BNC2: variants seen among roughly 807,000 people sequenced by gnomAD.
The protein encoded by BNC2 is zinc finger protein basonuclin-2.
BNC2 carries 20 observed loss-of-function variants against 76.3 expected under a neutral mutation model. That is an observed-to-expected ratio of 0.26 (90% CI 0.18 to 0.38). BNC2 has a LOEUF of 0.38. Among genes scored for constraint, BNC2 ranks in the 10% least tolerant of loss-of-function variants. BNC2 has a pLI of 1.00. For missense variants in BNC2, 1,382 were observed against 1,399.8 expected (o/e 0.99, Z 0.20); for synonymous variants, 582 against 514.8 (o/e 1.13, Z -1.77).
intron 5 of BNC2, among the ~76,000 whole-genome samples, chr9:16,442,573 G>A (rs1354232824): frequency 1.3e-5 from 2 of 152,172 alleles, no homozygotes; most frequent in East Asian, 1.9e-4. Context: ...GGATAGTAGG[G>A]AAGGAACAGA....
At chr9:16,850,352 A>G (rs890257126) in intron 1 of BNC2, among the ~76,000 whole-genome samples, 2 of 152,206 alleles carry the variant, frequency 1.3e-5, no homozygotes, top group African/African-American at 2.4e-5. Flanking sequence ...AAGTGCACAA[A>G]ATATGATACC....
intron 3 of BNC2, among the ~76,000 whole-genome samples, chr9:16,650,167 A>AT (rs1821753571): frequency 6.6e-6 from 1 of 152,214 alleles, no homozygotes; most frequent in African/African-American, 2.4e-5. Context: ...GTCATTCACA[A>AT]GACACAGGAA....
At chr9:16,845,456 T>C (rs577485960) in intron 1 of BNC2, among the ~76,000 whole-genome samples, 8 of 152,260 alleles carry the variant, frequency 5.3e-5, no homozygotes, top group South Asian at 2.1e-4. Flanking sequence ...GCGCGGTGGC[T>C]CACACCTGTA....
chr9:16,818,859 G>C (rs1327812776), intron 1 of BNC2, among the ~76,000 whole-genome samples: 1 of 127,048 alleles, frequency 7.9e-6, no homozygotes, highest in African/African-American at 3.0e-5. Flanking sequence ...TTAAAGGAGT[G>C]AGGCATTTTT....
At chr9:16,549,020 C>A (rs1397250106) in intron 5 of BNC2, among the ~76,000 whole-genome samples, 1 of 152,180 alleles carries the variant, frequency 6.6e-6, no homozygotes, top group Non-Finnish European at 1.5e-5. Context: ...GACCGATGTG[C>A]CAGCCTTTTA....
intron 1 of BNC2, among the ~76,000 whole-genome samples, chr9:16,824,798 C>T (rs116895416): frequency 6.6e-6 from 1 of 152,260 alleles, no homozygotes; most frequent in Non-Finnish European, 1.5e-5. Context: ...ACAGCAGAGG[C>T]ACAGTGAAAG....
chr9:16,615,998 T>A (rs1175718834), intron 3 of BNC2, among the ~76,000 whole-genome samples: 1 of 152,158 alleles, frequency 6.6e-6, no homozygotes, highest in African/African-American at 2.4e-5. Context: ...AGCTCAATGG[T>A]CACATTTGTT....
chr9:16,581,885 A>T (rs1470747449), intron 4 of BNC2, among the ~76,000 whole-genome samples: 1 of 152,128 alleles, frequency 6.6e-6, no homozygotes, highest in Non-Finnish European at 1.5e-5. Context: ...CATGGTGGAA[A>T]CATACCCCTT....
intron 5 of BNC2, among the ~76,000 whole-genome samples, chr9:16,464,434 T>G (rs1430463153): frequency 6.6e-6 from 1 of 152,050 alleles, no homozygotes; most frequent in African/African-American, 2.4e-5. Context: ...GGGAAGAAAC[T>G]TCAGCTGAGG....
intron 5 of BNC2, among the ~76,000 whole-genome samples, chr9:16,478,682 T>A (rs1475105870): frequency 1.3e-5 from 2 of 152,098 alleles, no homozygotes; most frequent in Non-Finnish European, 2.9e-5. Flanking sequence ...TAAGTGTAGA[T>A]CACAGAATGT....
chr9:16,719,323 T>G (rs1034155869), intron 3 of BNC2, among the ~76,000 whole-genome samples: 2 of 152,214 alleles, frequency 1.3e-5, no homozygotes, highest in Non-Finnish European at 2.9e-5. Context: ...AAATTCTTCT[T>G]GATTTAAATG....
At chr9:16,428,139 C>A (rs1417743693) in intron 6 of BNC2, among the ~76,000 whole-genome samples, 1 of 152,040 alleles carries the variant, frequency 6.6e-6, no homozygotes, top group Non-Finnish European at 1.5e-5. Context: ...GAAATAATTT[C>A]AAGTAAAAAA....
intron 5 of BNC2, among the ~76,000 whole-genome samples, chr9:16,539,847 G>C (rs866552281): frequency 7.2e-6 from 1 of 138,762 alleles, no homozygotes; most frequent in African/African-American, 2.8e-5. Flanking sequence ...GGGAAGGGAA[G>C]GGAAAGGAAA....
intron 1 of BNC2, among the ~76,000 whole-genome samples, chr9:16,860,806 G>T (rs1377321546): frequency 6.6e-6 from 1 of 152,178 alleles, no homozygotes; most frequent in Non-Finnish European, 1.5e-5. Context: ...ACTTTGGGAG[G>T]CCAAGACCAG....
chr9:16,727,664 C>T lies in BNC2; in HGVS notation c.330+133G>A, dbSNP rs1302051674. The T allele has an allele frequency of 4.0e-6, 3 of 750,102 alleles. No individual in the cohort carries two copies. In the Admixed American group the frequency reaches 8.4e-5, roughly 21 times the overall value. 46.5% of individuals were successfully genotyped at this position (750,102 alleles called of 1,614,324 possible). A position where few individuals can be genotyped will look rare whatever the true frequency, so the allele number is the denominator to read the frequency against. On this transcript the variant is annotated intron_variant, in intron 3 of 6. Transcript: ENST00000380672. ...TTCCAGTAACACAGTTATGACAAAA[C>T]AAGAGCCTAACTAGGAAGTGACCAC...
intron 1 of BNC2, among the ~76,000 whole-genome samples, chr9:16,777,926 C>A (rs910000499): frequency 1.3e-5 from 2 of 152,062 alleles, no homozygotes; most frequent in Admixed American, 6.6e-5. Flanking sequence ...CTGAAAATAT[C>A]TATACTGGCA....
chr9:16,455,127 T>G (rs1322232128), intron 5 of BNC2, among the ~76,000 whole-genome samples: 1 of 152,172 alleles, frequency 6.6e-6, no homozygotes, highest in Non-Finnish European at 1.5e-5. Flanking sequence ...CTAGAGGCAA[T>G]TTCCAATTGT....
intron 3 of BNC2, among the ~76,000 whole-genome samples, chr9:16,658,661 G>T (rs79093055): frequency 1.3e-5 from 2 of 152,228 alleles, no homozygotes; most frequent in East Asian, 3.9e-4. Context: ...CATGTGCCCA[G>T]CCCTTTTCCT....
intron 5 of BNC2, among the ~76,000 whole-genome samples, chr9:16,506,758 G>T (rs979951764): frequency 3.2e-4 from 48 of 149,478 alleles, no homozygotes; most frequent in African/African-American, 9.1e-4. Flanking sequence ...GGTTTTTTTT[G>T]TTTGTTTGTT....
Sources: gnomAD v4.1 joint callset for allele counts (sites outside exome capture counted in the v4.1 genomes callset) on GRCh38, gnomAD v4.1.1 for gene constraint, MANE v1.5 for transcripts, NCBI Gene and HGNC (gene_info 2026-07-23, HGNC 2026-07-21) for gene names.